Variants in C12orf42 observed in about 807,000 individuals in gnomAD.
C12orf42 encodes chromosome 12 open reading frame 42.
In C12orf42, 25 loss-of-function variants were observed where a neutral mutation model predicts 21.6. That is an observed-to-expected ratio of 1.16 (90% CI 0.84 to 1.62). The LOEUF is 1.62. Ranked by LOEUF, C12orf42 falls within the 40% of genes most tolerant of loss-of-function variation. C12orf42 has a pLI of 0.00. For missense variants in C12orf42, 483 were observed against 459.3 expected (o/e 1.05, Z -0.47); for synonymous variants, 174 against 175.0 (o/e 0.99, Z 0.05).
chr12:103,138,942 C>T, the C12orf42 span, among the ~76,000 whole-genome samples: 1 of 152,128 alleles, frequency 6.6e-6, no homozygotes, highest in Non-Finnish European at 1.5e-5. Flanking sequence ...CAATATCATG[C>T]AGTTTAGCAC....
the C12orf42 span, among the ~76,000 whole-genome samples, chr12:103,502,582 G>A: frequency 6.6e-6 from 1 of 152,012 alleles, no homozygotes; most frequent in Non-Finnish European, 1.5e-5. Flanking sequence ...TAACATTCTG[G>A]TCTCAGCACA....
chr12:103,475,807 A>G (rs1002401803), intron 2 of C12orf42, among the ~76,000 whole-genome samples: 9 of 152,224 alleles, frequency 5.9e-5, no homozygotes, highest in Non-Finnish European at 1.2e-4. Flanking sequence ...CTGAATTATC[A>G]AACATTTTGA....
rs539428637 is a variant in C12orf42 at position 103,331,732 on chromosome 12, G to A, written c.260-25387C>T. Among the ~76,000 whole-genome samples, 41 of 152,162 alleles carry A rather than the reference G, an allele frequency of 2.7e-4. 1 individual carries two copies. The highest frequency in any genetic ancestry group is 4.6e-4 in the Admixed American group (7 of 15,266). On this transcript the variant is annotated intron_variant, in intron 4 of 5. Transcript: ENST00000548883. ...CAAAACAACTCTGAGACCACGCAGC[G>A]CGGCAGCCGGACACAGGACACCTCT... is the stretch of plus-strand genomic sequence containing the variant.
intron 2 of C12orf42, among the ~76,000 whole-genome samples, chr12:103,434,323 G>A (rs1048687981): frequency 1.3e-5 from 2 of 152,234 alleles, no homozygotes; most frequent in South Asian, 2.1e-4. Flanking sequence ...CCTTGATGAC[G>A]GAGCTGCACT....
the C12orf42 span, among the ~76,000 whole-genome samples, chr12:103,148,170 T>C: frequency 6.6e-6 from 1 of 152,176 alleles, no homozygotes; most frequent in Non-Finnish European, 1.5e-5. Flanking sequence ...ATCCTCACTG[T>C]GGTGTGACAG....
the C12orf42 span, among the ~76,000 whole-genome samples, chr12:103,546,219 A>T: frequency 6.6e-6 from 1 of 152,212 alleles, no homozygotes; most frequent in Admixed American, 6.5e-5. Context: ...GCATGTAATG[A>T]TTCAATACTA....
chr12:103,072,701 T>C, the C12orf42 span, among the ~76,000 whole-genome samples: 5 of 152,308 alleles, frequency 3.3e-5, no homozygotes, highest in African/African-American at 1.2e-4. Context: ...TCCACCATGG[T>C]TGAACAAAGT....
At chr12:103,291,072 G>T (rs1188637322) in intron 4 of C12orf42, among the ~76,000 whole-genome samples, 1 of 152,100 alleles carries the variant, frequency 6.6e-6, no homozygotes, top group East Asian at 1.9e-4. Flanking sequence ...CAGATGATTG[G>T]TAAATGGTTA....
At chr12:103,246,878 C>T (rs1279674618) in intron 10 of C12orf42, among the ~76,000 whole-genome samples, 1 of 152,032 alleles carries the variant, frequency 6.6e-6, no homozygotes, top group Non-Finnish European at 1.5e-5. Flanking sequence ...ACATAAAAAT[C>T]CTTTGGGTGT....
chr12:103,337,349 T>G (rs1479422579), intron 4 of C12orf42, among the ~76,000 whole-genome samples: 1 of 149,944 alleles, frequency 6.7e-6, no homozygotes, highest in East Asian at 1.9e-4. Flanking sequence ...AAGGTTTTTT[T>G]GTTTGTTTGT....
chr12:103,439,342 C>T (rs1951010313), intron 2 of C12orf42, among the ~76,000 whole-genome samples: 1 of 152,024 alleles, frequency 6.6e-6, no homozygotes, highest in Non-Finnish European at 1.5e-5. Flanking sequence ...AGGACATAGG[C>T]ATGGGCAAGG....
chr12:103,153,334 A>G, the C12orf42 span, among the ~76,000 whole-genome samples: 1 of 152,190 alleles, frequency 6.6e-6, no homozygotes, highest in East Asian at 1.9e-4. Context: ...AAATCAAACT[A>G]TATTATAATT....
intron 4 of C12orf42, among the ~76,000 whole-genome samples, chr12:103,282,673 T>C (rs2036209310): frequency 6.6e-6 from 1 of 152,200 alleles, no homozygotes; most frequent in South Asian, 2.1e-4. Flanking sequence ...TATGCTGTTA[T>C]TATGGTGATT....
At chr12:103,056,734 T>C in the C12orf42 span, among the ~76,000 whole-genome samples, 1 of 152,136 alleles carries the variant, frequency 6.6e-6, no homozygotes, top group Admixed American at 6.5e-5. Flanking sequence ...AATTATTTTG[T>C]TGGACACATC....
At chr12:103,251,493 C>A (rs1257855688) in intron 10 of C12orf42, among the ~76,000 whole-genome samples, 1 of 152,148 alleles carries the variant, frequency 6.6e-6, no homozygotes, top group Non-Finnish European at 1.5e-5. Flanking sequence ...CTGAAAATTG[C>A]AGTCCTTGTG....
downstream of C12orf42, among the ~76,000 whole-genome samples, chr12:103,234,048 C>G (rs760030429): frequency 1.3e-5 from 2 of 152,108 alleles, no homozygotes; most frequent in Admixed American, 6.5e-5. Context: ...AATGCTTTTT[C>G]TAAATCTATT....
At chr12:103,327,129 G>T (rs1419326156) in intron 4 of C12orf42, among the ~76,000 whole-genome samples, 1 of 152,184 alleles carries the variant, frequency 6.6e-6, no homozygotes, top group Non-Finnish European at 1.5e-5. Flanking sequence ...GGAGATCCCA[G>T]GTTCCTGGAA....
At chr12:103,109,935 G>A in the C12orf42 span, among the ~76,000 whole-genome samples, 3 of 151,980 alleles carry the variant, frequency 2.0e-5, no homozygotes, top group African/African-American at 7.3e-5. Context: ...ATCAAAAAAC[G>A]TCAATAGTAA....
chr12:103,088,947 C>CA, the C12orf42 span, among the ~76,000 whole-genome samples: 1 of 151,708 alleles, frequency 6.6e-6, no homozygotes, highest in South Asian at 2.1e-4. Context: ...ACTAAAAATA[C>CA]AAAAAATCAG....
Sources: allele counts gnomAD v4.1 joint callset (sites outside exome capture counted in the v4.1 genomes callset), GRCh38; gene constraint gnomAD v4.1.1; transcripts MANE v1.5; gene names NCBI Gene and HGNC (gene_info 2026-07-23, HGNC 2026-07-21).